RIN3: variants seen among roughly 807,000 people sequenced by gnomAD.
The protein encoded by RIN3 is RAB5 interacting protein 3.
RIN3 carries 54 observed loss-of-function variants against 76.3 expected under a neutral mutation model. The observed-to-expected ratio is 0.71, with a 90% confidence interval of 0.57 to 0.89. RIN3 has a LOEUF of 0.89. Ranked by LOEUF, RIN3 falls within the 40% of genes least tolerant of loss-of-function variation. The pLI is 0.00. For missense variants in RIN3, 1,256 were observed against 1,322.1 expected, an observed-to-expected ratio of 0.95 and a Z score of 0.78; for synonymous variants, 576 against 564.0, an observed-to-expected ratio of 1.02 and a Z score of -0.30.
At chr14:92,534,839 ATTG>A (rs1217121263) in intron 1 of RIN3, among the ~76,000 whole-genome samples, 1 of 152,052 alleles carries the variant, frequency 6.6e-6, no homozygotes, top group African/African-American at 2.4e-5. Flanking sequence ...TCCCATTTTT[ATTG>A]TTCCCCCTGA....
At position 92,651,917 on chromosome 14, in the gene RIN3, C is replaced by T; in HGVS notation, c.868C>T (p.Gln290Ter). The T allele has an allele frequency of 6.4e-7, 1 of 1,555,660 alleles. No homozygotes were observed. The highest frequency in any genetic ancestry group is 8.7e-7 in the Non-Finnish European group (1 of 1,148,696). Residue 290 changes from glutamine (Q) to a stop codon, truncating the protein, a stop_gained, in exon 6 of 10, where the codon CAG becomes TAG. Transcript: ENST00000216487. LOFTEE classifies it high-confidence loss of function. ...PPPPPPVLPL[Q>*]PCSPAQPPVL... is the part of the protein sequence containing the mutation. ...ACCCCCTCCCCCAGTGCTGCCCCTGCAGCCCTGCAGCCCAGCCCAGCCCCC... is the reference window on the plus strand; with the variant it reads ...ACCCCCTCCCCCAGTGCTGCCCCTGTAGCCCTGCAGCCCAGCCCAGCCCCC...
At chr14:92,622,849 C>A (rs552977577) in intron 4 of RIN3, among the ~76,000 whole-genome samples, 9 of 152,344 alleles carry the variant, frequency 5.9e-5, no homozygotes, top group African/African-American at 2.2e-4. Flanking sequence ...TGAAGAGGAA[C>A]TATTTGTGGT....
At chr14:92,649,223 CAGTTCTATAT>C (rs1887316375) in intron 5 of RIN3, among the ~76,000 whole-genome samples, 1 of 152,168 alleles carries the variant, frequency 6.6e-6, no homozygotes, top group African/African-American at 2.4e-5. Context: ...CACCAGTGGG[CAGTTCTATAT>C]GTTATCTACC....
In RIN3 at chr14:92,536,428, C is replaced by CATAG. The variant is rs1897000684; in HGVS notation, c.45-19321_45-19318dup. ...GTAGGAATTTGGCAGTGATTAGAAA[C>CATAG]ATAGACTATTGACTCAAAAAACTGC... On this transcript the variant is annotated intron_variant, in intron 1 of 9. Coordinates refer to ENST00000216487, the MANE Select transcript of RIN3 (RefSeq NM_024832.5). Among the ~76,000 whole-genome samples the CATAG allele has an allele frequency of 4.6e-5, 7 of 152,082 alleles. No homozygotes were observed. The South Asian group carries it at 1.4e-3, about 31-fold the overall frequency.
intron 3 of RIN3, among the ~76,000 whole-genome samples, chr14:92,578,567 T>C (rs1898332129): frequency 6.6e-6 from 1 of 152,234 alleles, no homozygotes; most frequent in African/African-American, 2.4e-5. Flanking sequence ...GATGGAGTTT[T>C]ATTATTACTC....
At chr14:92,682,615 G>T (rs1449236350) in intron 8 of RIN3, among the ~76,000 whole-genome samples, 5 of 152,158 alleles carry the variant, frequency 3.3e-5, no homozygotes, top group Non-Finnish European at 5.9e-5. Context: ...CAGAAGGAAG[G>T]GTGACAGGCA....
intron 1 of RIN3, among the ~76,000 whole-genome samples, chr14:92,553,549 C>G (rs940067442): frequency 6.6e-6 from 1 of 152,084 alleles, no homozygotes. Flanking sequence ...CCTACCCCGC[C>G]CCCACCAGCC....
chr14:92,573,338 C>T (rs1361669860), intron 2 of RIN3, among the ~76,000 whole-genome samples: 1 of 152,196 alleles, frequency 6.6e-6, no homozygotes, highest in Non-Finnish European at 1.5e-5. Flanking sequence ...ACCCAGGTAG[C>T]TAACACTCCT....
intron 7 of RIN3, among the ~76,000 whole-genome samples, chr14:92,673,210 C>T (rs1888346342): frequency 6.6e-6 from 1 of 152,150 alleles, no homozygotes; most frequent in African/African-American, 2.4e-5. Context: ...GTATGAGTAG[C>T]TTGTTCCTTT....
intron 2 of RIN3, among the ~76,000 whole-genome samples, chr14:92,557,131 G>C (rs191121044): frequency 2.6e-5 from 4 of 152,180 alleles, no homozygotes; most frequent in East Asian, 1.9e-4. Context: ...GCATATTCAC[G>C]TAGCGGCAAG....
At chr14:92,580,297 C>T (rs1380560233) in intron 3 of RIN3, among the ~76,000 whole-genome samples, 6 of 152,206 alleles carry the variant, frequency 3.9e-5, no homozygotes, top group African/African-American at 1.2e-4. Flanking sequence ...ACCTGGGAGG[C>T]AGAGGTTGCA....
chr14:92,600,006 A>G (rs962874767), intron 3 of RIN3, among the ~76,000 whole-genome samples: 5 of 152,300 alleles, frequency 3.3e-5, no homozygotes, highest in Admixed American at 3.3e-4. Flanking sequence ...TGATGTCACC[A>G]TCCCTGACCT....
At chr14:92,657,449 A>C (rs894021062) in intron 6 of RIN3, among the ~76,000 whole-genome samples, 1 of 152,176 alleles carries the variant, frequency 6.6e-6, no homozygotes, top group African/African-American at 2.4e-5. Flanking sequence ...ACAAGGAGCA[A>C]CTGGATACAA....
intron 2 of RIN3, among the ~76,000 whole-genome samples, chr14:92,558,374 T>G (rs1566842066): frequency 6.6e-6 from 1 of 152,168 alleles, no homozygotes; most frequent in Non-Finnish European, 1.5e-5. Context: ...AAGTTTAAAA[T>G]AAGCACAACT....
At chr14:92,602,804 C>T (rs1387939318) in intron 3 of RIN3, among the ~76,000 whole-genome samples, 1 of 152,108 alleles carries the variant, frequency 6.6e-6, no homozygotes, top group Non-Finnish European at 1.5e-5. Context: ...GGAAAGCACT[C>T]GGGCTGATCC....
chr14:92,657,073 A>T (rs540271442), intron 6 of RIN3, among the ~76,000 whole-genome samples: 5 of 152,274 alleles, frequency 3.3e-5, no homozygotes, highest in African/African-American at 1.2e-4. Flanking sequence ...AAAAGGCCAG[A>T]CAGGGCGGGG....
intron 7 of RIN3, among the ~76,000 whole-genome samples, chr14:92,662,466 T>TTAGG: frequency 6.6e-6 from 1 of 152,326 alleles, no homozygotes; most frequent in African/African-American, 2.4e-5. Context: ...TTCAGATGAC[T>TTAGG]TAGGTGCTCA....
At chr14:92,575,308 G>A (rs544909545) in intron 2 of RIN3, among the ~76,000 whole-genome samples, 6 of 152,146 alleles carry the variant, frequency 3.9e-5, no homozygotes, top group African/African-American at 9.6e-5. Context: ...GTATCCTCAC[G>A]TTACCAGAAA....
intron 7 of RIN3, among the ~76,000 whole-genome samples, chr14:92,673,751 A>G (rs961334887): frequency 2.0e-5 from 3 of 152,150 alleles, no homozygotes; most frequent in African/African-American, 7.2e-5. Flanking sequence ...GGTGATCCGC[A>G]TGCGTCGGCC....
Sources: allele counts gnomAD v4.1 joint callset (sites outside exome capture counted in the v4.1 genomes callset), GRCh38; gene constraint gnomAD v4.1.1; transcripts MANE v1.5; gene names NCBI Gene and HGNC (gene_info 2026-07-23, HGNC 2026-07-21).